SLFN12: variants seen among roughly 807,000 people sequenced by gnomAD.
SLFN12 encodes the protein ribonuclease SLFN12.
A neutral mutation model predicts 29.1 loss-of-function variants in SLFN12; 25 were observed. The observed-to-expected ratio is 0.86, with a 90% CI of 0.63 to 1.20. The LOEUF is 1.20. Among genes scored for constraint, SLFN12 ranks in the 50% most tolerant of loss-of-function variants. The pLI is 0.00. For synonymous variants in SLFN12, 257 were observed against 238.7 expected (o/e 1.08, Z -0.71); for missense variants, 660 against 666.2 (o/e 0.99, Z 0.10).
intron 2 of SLFN12, chr17:35,420,973 C>G (rs1219461639): frequency 6.6e-6 from 1 of 151,924 alleles, no homozygotes. Flanking sequence ...TTTGGGAGGC[C>G]GAGGCGGGTG....
At chr17:35,423,763 G>A (rs1456454602) in intron 1 of SLFN12, among the ~76,000 whole-genome samples, 10 of 152,122 alleles carry the variant, frequency 6.6e-5, no homozygotes, top group Non-Finnish European at 1.5e-5. Context: ...AACTCCTGAG[G>A]TGATGAGGTT....
intron 3 of SLFN12, among the ~76,000 whole-genome samples, chr17:35,419,109 C>A (rs942922589): frequency 6.6e-6 from 1 of 151,992 alleles, no homozygotes; most frequent in Non-Finnish European, 1.5e-5. Flanking sequence ...GATCCGCCCA[C>A]CTCTGGATTG....
At chr17:35,416,172 C>A (rs1226153606) in intron 3 of SLFN12, among the ~76,000 whole-genome samples, 3 of 152,052 alleles carry the variant, frequency 2.0e-5, no homozygotes, top group Non-Finnish European at 2.9e-5. Context: ...TGCTATCAGT[C>A]ATAAAAAGGA....
At chr17:35,414,872 C>T (rs1911229484) in intron 3 of SLFN12, among the ~76,000 whole-genome samples, 1 of 152,032 alleles carries the variant, frequency 6.6e-6, no homozygotes, top group Non-Finnish European at 1.5e-5. Context: ...ATAGATGAAA[C>T]AAACAAATGG....
chr17:35,428,490 CTAAAAGCTA>C (rs1362523684), intron 1 of SLFN12, among the ~76,000 whole-genome samples: 1 of 152,066 alleles, frequency 6.6e-6, no homozygotes, highest in Non-Finnish European at 1.5e-5. Context: ...AGGATGTGGT[CTAAAAGCTA>C]TTAGAAAGCA....
intron 1 of SLFN12, 84 bp downstream of exon 1, chr17:35,432,104 G>A (rs887338564): frequency 6.6e-6 from 1 of 152,342 alleles, no homozygotes; most frequent in South Asian, 2.1e-4. Context: ...CGTTGGAAAG[G>A]AAAAGAGAAA....
At position 35,422,467 on chromosome 17, in the gene SLFN12, T is replaced by C; in HGVS notation, c.562A>G (p.Thr188Ala). Reference protein sequence around the residue: ...KALAGVFFDRTELDRKEKLTF... With the variant: ...KALAGVFFDRAELDRKEKLTF... ...AATTTTTCTTTCCGATCAAGTTCTG[T>C]TCTATCAAAAAAAACCCCGGCCAAG... Residue 188 changes from threonine to alanine, a missense_variant, in exon 2 of 4, where the codon ACA (threonine) becomes GCA (alanine). By Grantham distance (58) the Thr-to-Ala change is moderately conservative (BLOSUM62 0). Transcript: ENST00000304905. The C allele has an allele frequency of 6.2e-7, 1 of 1,612,568 alleles. No individual in the cohort carries two copies.
intron 3 of SLFN12, 149 bp downstream of exon 3, chr17:35,420,125 T>C: frequency 1.6e-6 from 1 of 609,488 alleles, no homozygotes; most frequent in Non-Finnish European, 2.9e-6. Flanking sequence ...AAATAGGATT[T>C]GACAGATTCA....
At chr17:35,425,027 C>T (rs1039821204) in intron 1 of SLFN12, among the ~76,000 whole-genome samples, 1 of 151,986 alleles carries the variant, frequency 6.6e-6, no homozygotes, top group Non-Finnish European at 1.5e-5. Context: ...GTGGCTCATG[C>T]CTATAATCCA....
intron 3 of SLFN12, among the ~76,000 whole-genome samples, chr17:35,413,568 T>A (rs193055109): frequency 6.6e-6 from 1 of 151,972 alleles, no homozygotes; most frequent in East Asian, 1.9e-4. Flanking sequence ...GCCAACATGG[T>A]GACACCCCGT....
Position 35,414,860 on chromosome 17 carries a change from T to C in SLFN12, c.1148-2933A>G, listed in dbSNP as rs528792804. ...AACCACAAAACACTGCTGAAAGAAA[T>C]CATAGATGAAACAAACAAATGGAAA... On this transcript the variant is annotated intron_variant, in intron 3 of 3. Transcript: ENST00000304905. Among the ~76,000 whole-genome samples the C allele has an allele frequency of 3.9e-5, 6 of 152,084 alleles. No homozygotes were observed. In the East Asian group the frequency reaches 1.2e-3, roughly 29 times the overall value.
chr17:35,427,906 G>A (rs1912101244), intron 1 of SLFN12, among the ~76,000 whole-genome samples: 1 of 152,056 alleles, frequency 6.6e-6, no homozygotes, highest in Non-Finnish European at 1.5e-5. Context: ...TACAGATACG[G>A]TTCAGATATA....
At chr17:35,421,712 TG>T (rs1481219182) in intron 2 of SLFN12, among the ~76,000 whole-genome samples, 3 of 151,896 alleles carry the variant, frequency 2.0e-5, no homozygotes, top group Admixed American at 2.0e-4. Flanking sequence ...GCTAATTTTT[TG>T]TATTTTTAGT....
chr17:35,422,334 G>C lies in SLFN12; in HGVS notation c.695C>G (p.Thr232Ser), dbSNP rs897587332. The change falls in exon 2 of 4, where the codon ACT (threonine) becomes AGT (serine). Residue 232 changes from threonine to serine, a missense_variant. Transcript: ENST00000304905. ...LPQYVSAFAN[T>S]DGGYLFIGLN... ...ACCAATGAACAAATATCCTCCATCA[G>C]TATTTGCAAATGCAGAAACATATTG... is the stretch of plus-strand genomic sequence containing the variant. 1 of 1,613,970 alleles carries C rather than the reference G, an allele frequency of 6.2e-7. No homozygotes were observed. Among genetic ancestry groups the C allele is most frequent in the South Asian group, 1.1e-5 (1 of 91,038 alleles).
chr17:35,413,665 C>T (rs1011696406), intron 3 of SLFN12, among the ~76,000 whole-genome samples: 2 of 151,130 alleles, frequency 1.3e-5, no homozygotes, highest in African/African-American at 4.9e-5. Context: ...AAGAGAATCG[C>T]TTGAACCCGG....
At chr17:35,430,805 C>A (rs1202930730) in intron 1 of SLFN12, among the ~76,000 whole-genome samples, 5 of 152,158 alleles carry the variant, frequency 3.3e-5, no homozygotes, top group African/African-American at 9.6e-5. Context: ...TAATCCCCTA[C>A]AACTGAATCT....
At chr17:35,428,944 C>T (rs945373487) in intron 1 of SLFN12, among the ~76,000 whole-genome samples, 1 of 152,036 alleles carries the variant, frequency 6.6e-6, no homozygotes, top group Non-Finnish European at 1.5e-5. Context: ...AGAAGAGATT[C>T]TCCATCTCTA....
At chr17:35,417,145 A>G (rs1911363169) in intron 3 of SLFN12, among the ~76,000 whole-genome samples, 1 of 152,166 alleles carries the variant, frequency 6.6e-6, no homozygotes, top group African/African-American at 2.4e-5. Flanking sequence ...GGATTTAGAT[A>G]CAGAAATTCT....
rs114157967 is a variant in SLFN12, at chr17:35,426,975, A to G, written c.-40-3907T>C. Among the ~76,000 whole-genome samples, 1,460 of 152,226 alleles carry G rather than the reference A, an allele frequency of 9.6e-3. 20 individuals carry two copies. Among genetic ancestry groups the G allele is most frequent in the African/African-American group, 0.034 (1,393 of 41,536 alleles). ...TCTTGCCTAAGACATCTGGGGGTCTATAGTCTTCTTGCAGCTTTCCTGAGC... is the reference window on the plus strand; with the variant it reads ...TCTTGCCTAAGACATCTGGGGGTCTGTAGTCTTCTTGCAGCTTTCCTGAGC... On this transcript the variant is annotated intron_variant, in intron 1 of 3. Coordinates refer to ENST00000304905, the MANE Select transcript of SLFN12 (RefSeq NM_018042.5).
Sources: gnomAD v4.1 joint callset for allele counts (sites outside exome capture counted in the v4.1 genomes callset) on GRCh38, gnomAD v4.1.1 for gene constraint, MANE v1.5 for transcripts, NCBI Gene and HGNC (gene_info 2026-07-23, HGNC 2026-07-21) for gene names.